Variants in IL5RA observed in about 807,000 individuals in gnomAD.
IL5RA encodes interleukin 5 receptor subunit alpha, also known as interleukin-5 receptor subunit alpha.
A neutral mutation model predicts 50.0 loss-of-function variants in IL5RA; 49 were observed. That is an observed-to-expected ratio of 0.98 (90% CI 0.78 to 1.24). The LOEUF is 1.24. IL5RA is among the 50% of genes most tolerant of loss of function. The probability of loss-of-function intolerance (pLI) is 0.00; values close to 1 mark genes in which losing one functional copy is unlikely to be tolerated. For synonymous variants in IL5RA, 202 were observed against 174.0 expected, an observed-to-expected ratio of 1.16 and a Z score of -1.26; for missense variants, 600 against 500.4, an observed-to-expected ratio of 1.20 and a Z score of -1.90.
chr3:3,106,507 T>C (rs1703927649), intron 2 of IL5RA, among the ~76,000 whole-genome samples: 1 of 152,126 alleles, frequency 6.6e-6, no homozygotes, highest in South Asian at 2.1e-4. Context: ...CAGTTTTGAT[T>C]TTAAAATCCT....
Position 3,070,159 on chromosome 3 carries a change from A to G in IL5RA, c.*66T>C, listed in dbSNP as rs1277709677. The G allele has an allele frequency of 1.5e-5, 15 of 1,022,496 alleles. No individual in the cohort carries two copies. Among genetic ancestry groups the G allele is most frequent in the Non-Finnish European group, 2.0e-5 (13 of 661,846 alleles). 63.3% of individuals were successfully genotyped at this position (1,022,496 alleles called of 1,614,324 possible). On this transcript the variant is annotated 3_prime_UTR_variant, in exon 12 of 12. Coordinates refer to ENST00000446632, the MANE Select transcript of IL5RA (RefSeq NM_175726.4). ...GAACACCTCTTAGCCAAGAGCCAGC[A>G]TCCCTGTTCTTTTCACTGAGGCACT...
rs367856906 is a variant in IL5RA at position 3,067,642 on chromosome 3, C to T, written c.*2583G>A. On this transcript the variant is annotated 3_prime_UTR_variant, in exon 12 of 12. Transcript: ENST00000446632. ...GGAAGTGATGATGGTTACGGGTTCC[C>T]AAAGAATGACTATGAGTTGCACAGG... 6.6e-6 allele frequency: 1 copy of T among 152,220 alleles called. No individual in the cohort carries two copies. Among genetic ancestry groups the T allele is most frequent in the African/African-American group, 2.4e-5 (1 of 41,434 alleles). 9.4% of individuals were successfully genotyped at this position (152,220 alleles called of 1,614,324 possible). A position where few individuals can be genotyped will look rare whatever the true frequency, so the allele number is the denominator to read the frequency against.
chr3:3,081,025 T>G (rs567167807), intron 9 of IL5RA, among the ~76,000 whole-genome samples: 1 of 152,330 alleles, frequency 6.6e-6, no homozygotes, highest in East Asian at 1.9e-4. Context: ...TTTCAAGTTT[T>G]TTTTTGAAAT....
chr3:3,106,835 A>G (rs1436216319), intron 2 of IL5RA, among the ~76,000 whole-genome samples: 1 of 152,168 alleles, frequency 6.6e-6, no homozygotes, highest in East Asian at 1.9e-4. Context: ...AGGTCAGAAA[A>G]AACTGCAAAA....
rs1161346581 is a variant in IL5RA, at chr3:3,095,445, C to T, written c.710-1G>A. 6.2e-7 allele frequency: 1 copy of T among 1,603,162 alleles called. No homozygotes were observed. Among genetic ancestry groups the T allele is most frequent in the Non-Finnish European group, 8.5e-7 (1 of 1,177,128 alleles). ...ACATTCAGTGGAGGATTTATTTGAT[C>T]TAAGTTAGGGAACGAAAGATCAGTG... On this transcript the variant is annotated splice_acceptor_variant, in intron 7 of 11. Transcript: ENST00000446632. LOFTEE classifies it high-confidence loss of function.
At chr3:3,099,236 C>T (rs1321325136) in intron 5 of IL5RA, among the ~76,000 whole-genome samples, 2 of 152,188 alleles carry the variant, frequency 1.3e-5, no homozygotes, top group Non-Finnish European at 2.9e-5. Flanking sequence ...GTGCTCATGC[C>T]TGTAATCCCA....
chr3:3,071,170 G>C (rs1347818925), intron 11 of IL5RA, among the ~76,000 whole-genome samples: 1 of 152,126 alleles, frequency 6.6e-6, no homozygotes, highest in Non-Finnish European at 1.5e-5. Context: ...CTCCACACTA[G>C]CCACAGTGCC....
At chr3:3,097,774 G>A in intron 7 of IL5RA, 96 bp downstream of exon 7, 2 of 1,317,426 alleles carry the variant, frequency 1.5e-6, no homozygotes, top group Middle Eastern at 1.9e-4. Flanking sequence ...CTTGGCATCA[G>A]AGAAGCAGTA....
chr3:3,073,921 G>A (rs1166105114), intron 11 of IL5RA: 5 of 329,752 alleles, frequency 1.5e-5, no homozygotes, highest in African/African-American at 6.6e-5. Flanking sequence ...AATCAAGACA[G>A]TATTGTATTG....
intron 3 of IL5RA, 122 bp from the exon 4 acceptor site, chr3:3,102,942 A>G (rs1703724531): frequency 2.8e-6 from 2 of 703,176 alleles, no homozygotes; most frequent in Admixed American, 3.6e-5. Context: ...CACCACAGAC[A>G]CAGTTGCTCC....
Position 3,070,298 on chromosome 3 carries a change from C to T in IL5RA, c.1190G>A (p.Ser397Asn), listed in dbSNP as rs111967541. The T allele has an allele frequency of 1.2e-5, 19 of 1,611,688 alleles. 1 individual carries two copies. The African/African-American group carries it at 1.9e-4, about 16-fold the overall frequency. ...VTTNYEKAGSSETEIEVICYI... is the reference protein window; with the variant it reads ...VTTNYEKAGSNETEIEVICYI... Reference sequence around the variant, plus strand: ...ACAGATGACTTCAATTTCCGTCTCACTGGACCCAGCTTTCTGCAAAACAAA... The same window carrying T: ...ACAGATGACTTCAATTTCCGTCTCATTGGACCCAGCTTTCTGCAAAACAAA... Residue 397 changes from serine (S) to asparagine (N), a missense_variant, in exon 12 of 12, where the codon AGT becomes AAT. By Grantham distance (46) the Ser-to-Asn change is conservative. Transcript: ENST00000446632.
chr3:3,087,362 G>A (rs1381194609), intron 9 of IL5RA, among the ~76,000 whole-genome samples: 1 of 152,112 alleles, frequency 6.6e-6, no homozygotes, highest in East Asian at 1.9e-4. Flanking sequence ...TCCTTGGCTG[G>A]CCAGGGACCT....
Position 3,070,276 on chromosome 3 carries a change from G to C in IL5RA, c.1212C>G (p.Ile404Met), listed in dbSNP as rs200073038. 6.2e-7 allele frequency: 1 copy of C among 1,613,166 alleles called. No homozygotes were observed. The highest frequency in any genetic ancestry group is 1.3e-5 in the African/African-American group (1 of 74,832). Residue 404 changes from isoleucine to methionine, a missense_variant, in exon 12 of 12, where the codon ATC (isoleucine) becomes ATG (methionine). Ile to Met is a conservative substitution (Grantham distance 10). Coordinates refer to ENST00000446632, the MANE Select transcript of IL5RA (RefSeq NM_175726.4). The stretch of plus-strand genomic sequence containing the variant: ...CAACTCCAGGCTTCTCTATATAACA[G>C]ATGACTTCAATTTCCGTCTCACTGG... ...AGSSETEIEV[I>M]CYIEKPGVET... is the part of the protein sequence containing the mutation.
chr3:3,082,242 G>C (rs1037275764), intron 9 of IL5RA, among the ~76,000 whole-genome samples: 2 of 152,138 alleles, frequency 1.3e-5, no homozygotes, highest in African/African-American at 4.8e-5. Flanking sequence ...GTCTTAATTT[G>C]AATTCTGGGG....
In IL5RA at chr3:3,074,826, G is replaced by A; in HGVS notation, c.1132C>T (p.Pro378Ser). 1 of 1,611,314 alleles carries A rather than the reference G, an allele frequency of 6.2e-7. No individual in the cohort carries two copies. Among genetic ancestry groups the A allele is most frequent in the South Asian group, 1.1e-5 (1 of 90,994 alleles). The stretch of plus-strand genomic sequence containing the variant: ...AAGAGATCTTTGATATTACTTTTTG[G>A]TGCTGGAATTGGTGGAAACAACTTG... ...WIKLFPPIPA[P>S]KSNIKDLFVT... Residue 378 changes from proline (P) to serine (S), a missense_variant, in exon 11 of 12, where the codon CCA becomes TCA. Coordinates refer to ENST00000446632, the MANE Select transcript of IL5RA (RefSeq NM_175726.4).
At chr3:3,073,486 G>T (rs1456387599) in intron 11 of IL5RA, among the ~76,000 whole-genome samples, 1 of 152,178 alleles carries the variant, frequency 6.6e-6, no homozygotes, top group African/African-American at 2.4e-5. Context: ...CAATGGCAGA[G>T]TTGAAGAGGT....
At chr3:3,072,789 G>A (rs1177314144) in intron 11 of IL5RA, among the ~76,000 whole-genome samples, 1 of 152,216 alleles carries the variant, frequency 6.6e-6, no homozygotes, top group East Asian at 1.9e-4. Context: ...GCGGGCACCT[G>A]TAATCCCAGC....
intron 11 of IL5RA, chr3:3,073,638 C>A (rs928699170): frequency 7.4e-5 from 22 of 298,180 alleles, no homozygotes; most frequent in Admixed American, 3.3e-4. Flanking sequence ...AATCACAAAC[C>A]ATTGCTGAGA....
At chr3:3,087,948 T>C (rs3804797) in intron 9 of IL5RA, among the ~76,000 whole-genome samples, 23,446 of 152,090 alleles carry the variant, frequency 0.15, 2,117 homozygotes, top group East Asian at 0.38. Flanking sequence ...GATCCTAAAC[T>C]GAGCAGAGGA....
Sources: gnomAD v4.1 joint callset for allele counts (sites outside exome capture counted in the v4.1 genomes callset) on GRCh38, gnomAD v4.1.1 for gene constraint, MANE v1.5 for transcripts, NCBI Gene and HGNC (gene_info 2026-07-23, HGNC 2026-07-21) for gene names.